Variants in RFTN1 observed in about 807,000 individuals in gnomAD.
RFTN1 encodes raftlin, lipid raft linker 1.
A neutral mutation model predicts 46.5 loss-of-function variants in RFTN1; 26 were observed. The observed-to-expected ratio is 0.56, with a 90% CI of 0.41 to 0.78. The LOEUF (loss-of-function observed/expected upper bound fraction) is 0.78, where lower values mean the gene tolerates loss of function less well. Ranked by LOEUF, RFTN1 falls within the 30% of genes least tolerant of loss-of-function variation. The probability of loss-of-function intolerance (pLI) is 0.00; values close to 1 mark genes in which losing one functional copy is unlikely to be tolerated. For missense variants in RFTN1, 693 were observed against 718.7 expected (o/e 0.96, Z 0.41); for synonymous variants, 261 against 284.2 (o/e 0.92, Z 0.82).
rs1474736887 is a variant in RFTN1, at chr3:16,327,662, G to A, written c.1147-786C>T. Among the ~76,000 whole-genome samples the A allele has an allele frequency of 1.3e-5, 2 of 152,106 alleles. No homozygotes were observed. Among genetic ancestry groups the A allele is most frequent in the African/African-American group, 4.8e-5 (2 of 41,416 alleles). On this transcript the variant is annotated intron_variant, in intron 7 of 9. Coordinates refer to ENST00000334133, the MANE Select transcript of RFTN1 (RefSeq NM_015150.2). The surrounding 1 kb of genome is among the most constrained non-coding windows in gnomAD (Gnocchi z 4.2). ...TGTAGTCCCAGCTACTCGGGAGGCT[G>A]AGGCAGGAGAATGGCGTGAACCCGG...
At position 16,370,271 on chromosome 3, in the gene RFTN1, T is replaced by A. The variant is rs984165146; in HGVS notation, c.835A>T (p.Ile279Phe). 9 of 1,614,022 alleles carry A rather than the reference T, an allele frequency of 5.6e-6. No homozygotes were observed. The highest frequency in any genetic ancestry group is 3.3e-5 in the Admixed American group (2 of 60,012). ...TTCGGTTTGTTGAAAAGGGTGAAGATCTCCATTTCTGTTGGGATTTGTAAA... is the reference window on the plus strand; with the variant it reads ...TTCGGTTTGTTGAAAAGGGTGAAGAACTCCATTTCTGTTGGGATTTGTAAA... ...HEEPLSGKMEIFTLFNKPKSH... is the reference protein window; with the variant it reads ...HEEPLSGKMEFFTLFNKPKSH... Residue 279 changes from isoleucine (I) to phenylalanine (F), a missense_variant, in exon 6 of 10, where the codon ATC becomes TTC. Ile to Phe is a conservative substitution (Grantham distance 21). Transcript: ENST00000334133. The surrounding 1 kb of genome is among the most constrained non-coding windows in gnomAD (Gnocchi z 5.5).
At position 16,374,719 on chromosome 3, in the gene RFTN1, G is replaced by A. The variant is rs574429584; in HGVS notation, c.826+2999C>T. ...TAGCCTCCTGGTTTCTCTGATGGAA[G>A]CTGTGGCAACGGAGACACTGAGGCT... On this transcript the variant is annotated intron_variant, in intron 5 of 9. Coordinates refer to ENST00000334133, the MANE Select transcript of RFTN1 (RefSeq NM_015150.2). This position sits in a 1 kb window ranked among gnomAD's most constrained non-coding sequence, Gnocchi z 5.4. Among the ~76,000 whole-genome samples, 194 of 152,370 alleles carry A rather than the reference G, an allele frequency of 1.3e-3. 2 individuals are homozygous for A. The highest frequency in any genetic ancestry group is 4.4e-3 in the African/African-American group (183 of 41,592).
At chr3:16,434,830 C>A (rs2075470973) in intron 2 of RFTN1, 1 of 152,140 alleles carries the variant, frequency 6.6e-6, no homozygotes, top group African/African-American at 2.4e-5. Context: ...TTGCAAAACA[C>A]TCCCCACCCC....
At chr3:16,358,069 GGGGT>G (rs764493472) in intron 6 of RFTN1, 22 bp from the exon 7 acceptor site, 4 of 1,310,524 alleles carry the variant, frequency 3.1e-6, no homozygotes, top group Admixed American at 3.4e-5. Flanking sequence ...GAAAAAGGCG[GGGGT>G]GGGGGGGGTC....
chr3:16,397,388 G>T (rs1236404551), intron 4 of RFTN1, among the ~76,000 whole-genome samples: 2 of 152,206 alleles, frequency 1.3e-5, no homozygotes, highest in African/African-American at 4.8e-5. Flanking sequence ...CGAAATTGAA[G>T]ATATGCAGGA....
chr3:16,353,123 G>A lies in RFTN1; in HGVS notation c.1146+4809C>T, dbSNP rs1036838052. 3.3e-5 allele frequency among the ~76,000 whole-genome samples: 5 copies of A among 152,164 alleles called. No homozygotes were observed. The highest frequency in any genetic ancestry group is 7.2e-5 in the African/African-American group (3 of 41,434). ...AGCTGGGCAGGGACGTTTTGTGGTC[G>A]GAGAGCTAGAGATTATAGGCCTGCC... On this transcript the variant is annotated intron_variant, in intron 7 of 9. Coordinates refer to ENST00000334133, the MANE Select transcript of RFTN1 (RefSeq NM_015150.2). The surrounding 1 kb of genome is among the most constrained non-coding windows in gnomAD (Gnocchi z 5.4).
At chr3:16,454,799 C>T in intron 2 of RFTN1, 3 of 985,376 alleles carry the variant, frequency 3.0e-6, no homozygotes, top group Non-Finnish European at 3.6e-6. Flanking sequence ...TCTGGCGTGT[C>T]TCCCAGGGAA....
At position 16,421,534 on chromosome 3, in the gene RFTN1, T is replaced by C. The variant is rs1428762460; in HGVS notation, c.333-12051A>G. ...GCCCAGCTAATTTTTGTATTTTTAGTAGAGACAGGGTTTCACCATGTTGGC... is the reference window on the plus strand; with the variant it reads ...GCCCAGCTAATTTTTGTATTTTTAGCAGAGACAGGGTTTCACCATGTTGGC... On this transcript the variant is annotated intron_variant, in intron 3 of 9. Transcript: ENST00000334133. The surrounding 1 kb of genome is among the most constrained non-coding windows in gnomAD (Gnocchi z 4.6). Among the ~76,000 whole-genome samples the C allele has an allele frequency of 1.3e-5, 2 of 152,060 alleles. No homozygotes were observed. The highest frequency in any genetic ancestry group is 4.8e-5 in the African/African-American group (2 of 41,396).
chr3:16,352,715 A>C lies in RFTN1; in HGVS notation c.1146+5217T>G, dbSNP rs546558219. 6.6e-6 allele frequency among the ~76,000 whole-genome samples: 1 copy of C among 152,372 alleles called. No homozygotes were observed. The highest frequency in any genetic ancestry group is 1.9e-4 in the East Asian group (1 of 5,188). ...TGTAGTGAGGGCTTACTATGTGCCCAGTCCTACATTCACAACTTTTTAATA... is the reference window on the plus strand; with the variant it reads ...TGTAGTGAGGGCTTACTATGTGCCCCGTCCTACATTCACAACTTTTTAATA... On this transcript the variant is annotated intron_variant, in intron 7 of 9. Transcript: ENST00000334133. This position sits in a 1 kb window ranked among gnomAD's most constrained non-coding sequence, Gnocchi z 4.6.
chr3:16,324,062 A>G (rs1022108109), intron 8 of RFTN1, among the ~76,000 whole-genome samples: 1 of 152,266 alleles, frequency 6.6e-6, no homozygotes, highest in Middle Eastern at 3.4e-3. Flanking sequence ...CAGGACCTGG[A>G]GCTGCCTCTA....
rs17042304 is a variant in RFTN1 at position 16,464,103 on chromosome 3, G to C, written c.145+29622C>G. Among the ~76,000 whole-genome samples, 753 of 151,992 alleles carry C rather than the reference G, an allele frequency of 5.0e-3. 6 individuals are homozygous for C. Among genetic ancestry groups the C allele is most frequent in the African/African-American group, 0.016 (680 of 41,400 alleles). On this transcript the variant is annotated intron_variant, in intron 2 of 9. Transcript: ENST00000334133. ...ATTCTGCTTATCTTTCGAACCTCTC[G>C]TCCCATGCAGTCCAGAATTTAGCAA...
rs1258074189 is a variant in RFTN1 at position 16,352,219 on chromosome 3, G to A, written c.1146+5713C>T. Among the ~76,000 whole-genome samples the A allele has an allele frequency of 2.0e-5, 3 of 152,110 alleles. No homozygotes were observed. The highest frequency in any genetic ancestry group is 2.9e-5 in the Non-Finnish European group (2 of 68,018). On this transcript the variant is annotated intron_variant, in intron 7 of 9. Coordinates refer to ENST00000334133, the MANE Select transcript of RFTN1 (RefSeq NM_015150.2). The surrounding 1 kb of genome is among the most constrained non-coding windows in gnomAD (Gnocchi z 4.6). ...GTTCCATTCTGGCACCAAATTTCAC[G>A]ATAAGCACTGATATGCTAGAACATA...
intron 1 of RFTN1, 76 bp from the exon 2 acceptor site, chr3:16,493,953 T>C: frequency 1.3e-6 from 2 of 1,530,644 alleles, no homozygotes; most frequent in East Asian, 2.2e-5. Flanking sequence ...GTATAAAAGA[T>C]GCCGTAATTT....
rs540613179 is a variant in RFTN1 at position 16,338,017 on chromosome 3, G to A, written c.1147-11141C>T. Among the ~76,000 whole-genome samples, 52 of 152,256 alleles carry A rather than the reference G, an allele frequency of 3.4e-4. No individual in the cohort carries two copies. The highest frequency in any genetic ancestry group is 6.5e-4 in the Non-Finnish European group (44 of 68,012). ...CACACTGGGTAGATCGTCCTAGCTC[G>A]AGATGTTGCCCTGGCTTCTCCTAAA... On this transcript the variant is annotated intron_variant, in intron 7 of 9. Transcript: ENST00000334133. The surrounding 1 kb of genome is among the most constrained non-coding windows in gnomAD (Gnocchi z 5.3).
rs2075772381 is a variant in RFTN1, at chr3:16,448,534, C to A, written c.146-14497G>T. Among the ~76,000 whole-genome samples, 2 of 152,136 alleles carry A rather than the reference C, an allele frequency of 1.3e-5. No individual in the cohort carries two copies. The highest frequency in any genetic ancestry group is 6.5e-5 in the Admixed American group (1 of 15,272). On this transcript the variant is annotated intron_variant, in intron 2 of 9. Coordinates refer to ENST00000334133, the MANE Select transcript of RFTN1 (RefSeq NM_015150.2). The surrounding 1 kb of genome is among the most constrained non-coding windows in gnomAD (Gnocchi z 4.1). ...TTACAATGTGGGATCAAAAGAGTAA[C>A]CTTCCTTGAAGCACATTAAATTTTT...
In RFTN1 at chr3:16,513,483, C is replaced by T. The variant is rs1043039391; in HGVS notation, c.-50G>A. ...AGGAGAAGGCGCGGTCGCGGGCTCC[C>T]TGAGGCAGCGTGTTCCGTCCCGGGA... is the stretch of plus-strand genomic sequence containing the variant. On this transcript the variant is annotated 5_prime_UTR_variant, in exon 1 of 10. Coordinates refer to ENST00000334133, the MANE Select transcript of RFTN1 (RefSeq NM_015150.2). The surrounding 1 kb of genome is among the most constrained non-coding windows in gnomAD (Gnocchi z 5.4). 1 of 152,254 alleles carries T rather than the reference C, an allele frequency of 6.6e-6. No individual in the cohort carries two copies. The highest frequency in any genetic ancestry group is 6.5e-5 in the Admixed American group (1 of 15,290). 9.4% of individuals were successfully genotyped at this position (152,254 alleles called of 1,614,324 possible). A position where few individuals can be genotyped will look rare whatever the true frequency, so the allele number is the denominator to read the frequency against.
Position 16,337,558 on chromosome 3 carries a change from A to C in RFTN1, c.1147-10682T>G, listed in dbSNP as rs995333143. ...GGAGATCGAGACCACCCTGGCCAAC[A>C]TGGTGAAACCTCGTCTCTACTAAAA... On this transcript the variant is annotated intron_variant, in intron 7 of 9. Transcript: ENST00000334133. This position sits in a 1 kb window ranked among gnomAD's most constrained non-coding sequence, Gnocchi z 5.0. Among the ~76,000 whole-genome samples the C allele has an allele frequency of 4.6e-5, 7 of 152,100 alleles. No individual in the cohort carries two copies. The highest frequency in any genetic ancestry group is 1.2e-4 in the African/African-American group (5 of 41,484).
Position 16,484,444 on chromosome 3 carries a change from A to G in RFTN1, c.145+9281T>C, listed in dbSNP as rs1332213536. 1.3e-5 allele frequency among the ~76,000 whole-genome samples: 2 copies of G among 152,238 alleles called. No individual in the cohort carries two copies. Among genetic ancestry groups the G allele is most frequent in the Non-Finnish European group, 2.9e-5 (2 of 68,036 alleles). Reference sequence around the variant, plus strand: ...GCTAGAATGCTGGTGGCCGAAAGCCAAGTATGAGCCTGGTCAGCACAATGT... The same window carrying G: ...GCTAGAATGCTGGTGGCCGAAAGCCGAGTATGAGCCTGGTCAGCACAATGT... On this transcript the variant is annotated intron_variant, in intron 2 of 9. Coordinates refer to ENST00000334133, the MANE Select transcript of RFTN1 (RefSeq NM_015150.2). This position sits in a 1 kb window ranked among gnomAD's most constrained non-coding sequence, Gnocchi z 4.6.
At chr3:16,388,933 C>T (rs1302767794) in intron 4 of RFTN1, among the ~76,000 whole-genome samples, 2 of 152,168 alleles carry the variant, frequency 1.3e-5, no homozygotes, top group Admixed American at 6.5e-5. Context: ...ATTAAGACTC[C>T]CTGGAACATT....
Sources: allele counts gnomAD v4.1 joint callset (sites outside exome capture counted in the v4.1 genomes callset), GRCh38; gene constraint gnomAD v4.1.1; non-coding constraint Gnocchi (gnomAD v3.1); transcripts MANE v1.5; gene names NCBI Gene and HGNC (gene_info 2026-07-23, HGNC 2026-07-21).